The following FREM2 variants were observed in gnomAD, a reference collection of about 807,000 sequenced individuals.
FREM2 encodes the protein FRAS1 related extracellular matrix 2.
A neutral mutation model predicts 219.9 loss-of-function variants in FREM2; 119 were observed. The observed-to-expected ratio is 0.54, with a 90% CI of 0.47 to 0.63. The LOEUF (loss-of-function observed/expected upper bound fraction) is 0.63. FREM2 is among the 30% of genes least tolerant of loss of function. The pLI, the probability that FREM2 is intolerant of heterozygous loss-of-function variation, is 0.00. For missense variants in FREM2, 4,030 were observed against 3,993.6 expected, an observed-to-expected ratio of 1.01 and a Z score of -0.25; for synonymous variants, 1,562 against 1,522.8, an observed-to-expected ratio of 1.03 and a Z score of -0.60.
intron 6 of FREM2, among the ~76,000 whole-genome samples, chr13:38,787,651 A>T (rs1874382786): frequency 6.6e-6 from 1 of 151,960 alleles, no homozygotes; most frequent in Non-Finnish European, 1.5e-5. Context: ...TAGTGTAATG[A>T]TTGAGAAATC....
intron 6 of FREM2, chr13:38,822,070 A>G (rs1490149640): frequency 6.6e-6 from 1 of 152,186 alleles, no homozygotes; most frequent in Non-Finnish European, 1.5e-5. Flanking sequence ...AAGTTACAGT[A>G]CAATTCAGCA....
At chr13:38,799,848 A>G (rs1419246422) in intron 6 of FREM2, among the ~76,000 whole-genome samples, 1 of 151,918 alleles carries the variant, frequency 6.6e-6, no homozygotes, top group Non-Finnish European at 1.5e-5. Context: ...TTTATTTTGA[A>G]TCTATATGTG....
In FREM2 at chr13:38,690,016, A is replaced by G. The variant is rs113698508; in HGVS notation, c.2672A>G (p.His891Arg). ...GQILHVGGLF[H>R]LEDIKQGRVS... ...ATCCTGCATGTAGGGGGTCTCTTCCACTTGGAGGACATAAAACAGGGCCGA... is the reference window on the plus strand; with the variant it reads ...ATCCTGCATGTAGGGGGTCTCTTCCGCTTGGAGGACATAAAACAGGGCCGA... Residue 891 changes from histidine to arginine, a missense_variant, in exon 1 of 24, where the codon CAC becomes CGC. By Grantham distance (29) the His-to-Arg change is conservative. This residue lies in a region of FREM2 where 3,102 missense variants were observed against 2,950.7 expected (regional missense o/e 1.05). Coordinates refer to ENST00000280481, the MANE Select transcript of FREM2 (RefSeq NM_207361.6). 6.2e-7 allele frequency: 1 copy of G among 1,613,978 alleles called. No individual in the cohort carries two copies. The highest frequency in any genetic ancestry group is 1.3e-5 in the African/African-American group (1 of 75,022).
At chr13:38,815,434 A>G (rs1875726283) in intron 6 of FREM2, among the ~76,000 whole-genome samples, 1 of 152,190 alleles carries the variant, frequency 6.6e-6, no homozygotes, top group South Asian at 2.1e-4. Flanking sequence ...AATTTCTTGA[A>G]ACAATAACAA....
At chr13:38,777,227 A>G (rs924861535) in intron 4 of FREM2, among the ~76,000 whole-genome samples, 4 of 152,146 alleles carry the variant, frequency 2.6e-5, no homozygotes, top group African/African-American at 9.7e-5. Context: ...AATTCTCAAA[A>G]TATTTGTTTC....
rs1434991012 is a variant in FREM2, at chr13:38,882,846, C to T, written c.*2059C>T. ...TGTAGACTGTTAGAGCAAGTATACT[C>T]AATCAACTTGCTGATATTTTAGTAG... On this transcript the variant is annotated 3_prime_UTR_variant, in exon 24 of 24. Transcript: ENST00000280481. The T allele has an allele frequency of 1.3e-5, 2 of 152,190 alleles. No individual in the cohort carries two copies. The highest frequency in any genetic ancestry group is 2.9e-5 in the Non-Finnish European group (2 of 68,032). 9.4% of individuals were successfully genotyped at this position (152,190 alleles called of 1,614,324 possible).
At chr13:38,866,527 G>T (rs931861292) in intron 16 of FREM2, among the ~76,000 whole-genome samples, 7 of 151,720 alleles carry the variant, frequency 4.6e-5, no homozygotes, top group African/African-American at 1.7e-4. Context: ...AATTAGCCGG[G>T]CGTGGTGGCG....
At chr13:38,779,610 C>G (rs181715209) in intron 4 of FREM2, 124 of 152,288 alleles carry the variant, frequency 8.1e-4, no homozygotes, top group African/African-American at 2.9e-3. Context: ...AGACATTTCT[C>G]TCCATGTCAC....
At chr13:38,768,511 A>G (rs1256533348) in intron 3 of FREM2, among the ~76,000 whole-genome samples, 1 of 152,090 alleles carries the variant, frequency 6.6e-6, no homozygotes, top group Non-Finnish European at 1.5e-5. Context: ...TCCTGGGCTC[A>G]AGTGATCCAC....
In FREM2 at chr13:38,705,328, G is replaced by A. The variant is rs575267173; in HGVS notation, c.5263+7541G>A. ...TGGGTTTTACAGCCAGCAGAGAATG[G>A]TGCTGCCATTTATGGAGATGAAATA... On this transcript the variant is annotated intron_variant, in intron 2 of 23. Transcript: ENST00000280481. Among the ~76,000 whole-genome samples the A allele has an allele frequency of 5.9e-5, 9 of 152,312 alleles. No homozygotes were observed. The South Asian group carries it at 1.4e-3, about 25-fold the overall frequency.
At chr13:38,756,922 G>A (rs150826650) in intron 2 of FREM2, among the ~76,000 whole-genome samples, 3 of 152,072 alleles carry the variant, frequency 2.0e-5, no homozygotes, top group African/African-American at 4.8e-5. Context: ...AAAAAACTGT[G>A]AATAGGATAC....
At chr13:38,699,565 TAGAG>T (rs1870259085) in intron 2 of FREM2, among the ~76,000 whole-genome samples, 1 of 152,140 alleles carries the variant, frequency 6.6e-6, no homozygotes, top group African/African-American at 2.4e-5. Flanking sequence ...GGAGTCTTTT[TAGAG>T]AGAGAGTTTC....
chr13:38,818,585 A>C (rs143618498), intron 6 of FREM2, among the ~76,000 whole-genome samples: 1 of 152,118 alleles, frequency 6.6e-6, no homozygotes, highest in African/African-American at 2.4e-5. Context: ...TAATAGGTAC[A>C]TGTTACAATT....
At chr13:38,846,462 G>C in intron 6 of FREM2, 111 bp from the exon 7 acceptor site, 1 of 1,077,478 alleles carries the variant, frequency 9.3e-7, no homozygotes, top group East Asian at 2.6e-5. Flanking sequence ...AAAGTATGAT[G>C]ATATAAGGAA....
At chr13:38,775,303 A>C (rs1873826243) in intron 4 of FREM2, among the ~76,000 whole-genome samples, 1 of 152,232 alleles carries the variant, frequency 6.6e-6, no homozygotes, top group Non-Finnish European at 1.5e-5. Flanking sequence ...AAGGTCCAGA[A>C]TTAATGAAAC....
chr13:38,857,326 T>G (rs900530162), intron 12 of FREM2, among the ~76,000 whole-genome samples: 1 of 152,100 alleles, frequency 6.6e-6, no homozygotes, highest in Non-Finnish European at 1.5e-5. Context: ...GCAGCAGGTG[T>G]TCATAGATTC....
intron 8 of FREM2, 53 bp from the exon 9 acceptor site, chr13:38,849,985 A>T: frequency 7.0e-7 from 1 of 1,427,680 alleles, no homozygotes; most frequent in Non-Finnish European, 9.9e-7. Context: ...ATCTTCTGAA[A>T]TGCCATTTTC....
intron 6 of FREM2, among the ~76,000 whole-genome samples, chr13:38,793,254 A>G (rs1874633942): frequency 6.6e-6 from 1 of 152,252 alleles, no homozygotes; most frequent in African/African-American, 2.4e-5. Context: ...ATAAGTGAAC[A>G]GACAAGCATA....
chr13:38,698,801 T>C (rs904284304), intron 2 of FREM2, among the ~76,000 whole-genome samples: 3 of 152,208 alleles, frequency 2.0e-5, no homozygotes, highest in Non-Finnish European at 2.9e-5. Context: ...AAAATATCAA[T>C]GGACACAACA....
Sources: gnomAD v4.1 joint callset for allele counts (sites outside exome capture counted in the v4.1 genomes callset) on GRCh38, gnomAD v4.1.1 for gene constraint, gnomAD v4.1.1 regional missense constraint, MANE v1.5 for transcripts, NCBI Gene and HGNC (gene_info 2026-07-23, HGNC 2026-07-21) for gene names.